TMEM120B: variants seen among roughly 807,000 people sequenced by gnomAD.
The protein encoded by TMEM120B is transmembrane protein 120B.
In TMEM120B, 31 loss-of-function variants were observed where a neutral mutation model predicts 55.5. The ratio of observed to expected loss-of-function variants is 0.56; its 90% CI spans 0.42 to 0.75. The LOEUF is 0.75. TMEM120B is among the 30% of genes least tolerant of loss of function. The pLI, the probability that TMEM120B is intolerant of heterozygous loss-of-function variation, is 0.00. For synonymous variants in TMEM120B, 203 were observed against 176.3 expected (o/e 1.15, Z -1.20); for missense variants, 399 against 425.5 (o/e 0.94, Z 0.55).
At chr12:121,734,550 G>A (rs943262727) in intron 1 of TMEM120B, among the ~76,000 whole-genome samples, 9 of 151,192 alleles carry the variant, frequency 6.0e-5, no homozygotes, top group Non-Finnish European at 8.8e-5. Context: ...GAGCCACCAC[G>A]CCTGGCCATG....
intron 1 of TMEM120B, among the ~76,000 whole-genome samples, chr12:121,720,275 A>G (rs935322461): frequency 1.3e-5 from 2 of 152,192 alleles, no homozygotes; most frequent in African/African-American, 2.4e-5. Context: ...ATTCTGACAC[A>G]TGACTCAGAA....
chr12:121,732,279 T>TCA (rs1895016441), intron 1 of TMEM120B, among the ~76,000 whole-genome samples: 1 of 152,206 alleles, frequency 6.6e-6, no homozygotes, highest in African/African-American at 2.4e-5. Flanking sequence ...GGAGAATGTG[T>TCA]CACACTAAGG....
chr12:121,775,058 C>T lies in TMEM120B; in HGVS notation c.838-4C>T. 6.2e-7 allele frequency: 1 copy of T among 1,613,326 alleles called. No homozygotes were observed. Among genetic ancestry groups the T allele is most frequent in the Non-Finnish European group, 8.5e-7 (1 of 1,179,918 alleles). ...GGGTGAGCAGCGCCTGCCTTCCTCT[C>T]CAGTTCTGGCAGCTCTACAATGCCG... On this transcript the variant is annotated splice_region_variant and splice_polypyrimidine_tract_variant and intron_variant, in intron 10 of 11. Coordinates refer to ENST00000449592, the MANE Select transcript of TMEM120B (RefSeq NM_001080825.2). The surrounding 1 kb of genome is among the most constrained non-coding windows in gnomAD (Gnocchi z 4.3).
At chr12:121,723,158 G>T (rs1434236325) in intron 1 of TMEM120B, among the ~76,000 whole-genome samples, 1 of 151,790 alleles carries the variant, frequency 6.6e-6, no homozygotes, top group Non-Finnish European at 1.5e-5. Context: ...TTGTTTGTTT[G>T]TTTGTTTGTT....
In TMEM120B at chr12:121,772,424, C is replaced by T. The variant is rs186795887; in HGVS notation, c.679+875C>T. ...GGATTACAGGCATGAGCCACCACGC[C>T]GTACCGTTTCTTTCTTTTTTTTTTT... On this transcript the variant is annotated intron_variant, in intron 8 of 11. Transcript: ENST00000449592. 1.6e-3 allele frequency among the ~76,000 whole-genome samples: 242 copies of T among 151,042 alleles called. 1 individual carries two copies. The East Asian group carries it at 0.03, about 19-fold the overall frequency.
rs781387759 is a variant in TMEM120B at position 121,779,670 on chromosome 12, G to C, written c.*3948G>C. 12 of 1,613,438 alleles carry C rather than the reference G, an allele frequency of 7.4e-6. No homozygotes were observed. The Admixed American group carries it at 1.8e-4, about 25-fold the overall frequency. The stretch of plus-strand genomic sequence containing the variant: ...TTCGCAGGCGCTCAGGCCCTGGGTG[G>C]GGGGAGGAGCCAGCATTAGGTGAGG... On this transcript the variant is annotated 3_prime_UTR_variant, in exon 12 of 12. Coordinates refer to ENST00000449592, the MANE Select transcript of TMEM120B (RefSeq NM_001080825.2).
intron 9 of TMEM120B, among the ~76,000 whole-genome samples, chr12:121,773,923 G>A (rs945853254): frequency 6.6e-6 from 1 of 151,552 alleles, no homozygotes; most frequent in African/African-American, 2.4e-5. Context: ...AATTTCAGGG[G>A]AAACTGTTTT....
At position 121,776,268 on chromosome 12, in the gene TMEM120B, G is replaced by C. The variant is rs374310169; in HGVS notation, c.*546G>C. 1.1e-5 allele frequency: 2 copies of C among 183,458 alleles called. No individual in the cohort carries two copies. Among genetic ancestry groups the C allele is most frequent in the South Asian group, 1.6e-4 (1 of 6,260 alleles). 11.4% of individuals were successfully genotyped at this position (183,458 alleles called of 1,614,324 possible). The stretch of plus-strand genomic sequence containing the variant: ...CTCAGAGACCCACCGCGTCTGCCTC[G>C]TGCTCTTCTTGCCCCTGGAGCGCTG... On this transcript the variant is annotated 3_prime_UTR_variant, in exon 12 of 12. Transcript: ENST00000449592.
chr12:121,720,409 T>C (rs1473813757), intron 1 of TMEM120B, among the ~76,000 whole-genome samples: 1 of 152,096 alleles, frequency 6.6e-6, no homozygotes, highest in Non-Finnish European at 1.5e-5. Context: ...TTCTTAGAGC[T>C]ATATAAAAGT....
At chr12:121,745,056 G>A (rs557631233) in intron 2 of TMEM120B, among the ~76,000 whole-genome samples, 5 of 152,280 alleles carry the variant, frequency 3.3e-5, no homozygotes, top group Admixed American at 1.3e-4. Context: ...GTGCACTGTG[G>A]GATAGTGAGT....
chr12:121,767,158 C>CT (rs1873875667), intron 6 of TMEM120B, among the ~76,000 whole-genome samples: 1 of 151,838 alleles, frequency 6.6e-6, no homozygotes, highest in African/African-American at 2.4e-5. Context: ...TGCAAGGTTT[C>CT]TTTTTTGTTT....
At chr12:121,714,755 T>A (rs1894666580) in intron 1 of TMEM120B, among the ~76,000 whole-genome samples, 1 of 150,616 alleles carries the variant, frequency 6.6e-6, no homozygotes, top group African/African-American at 2.4e-5. Flanking sequence ...AGAGACAGGG[T>A]TTCACCATGT....
intron 5 of TMEM120B, among the ~76,000 whole-genome samples, chr12:121,755,501 G>A (rs1156431812): frequency 6.6e-6 from 1 of 152,228 alleles, no homozygotes; most frequent in African/African-American, 2.4e-5. Context: ...CTAGGAAAGA[G>A]GTAGTCAGAG....
intron 8 of TMEM120B, among the ~76,000 whole-genome samples, chr12:121,772,253 C>G (rs1405906837): frequency 4.0e-5 from 6 of 151,398 alleles, no homozygotes; most frequent in African/African-American, 1.2e-4. Flanking sequence ...CTCAGCCTCC[C>G]GGGTGGCTGG....
intron 1 of TMEM120B, among the ~76,000 whole-genome samples, chr12:121,719,080 C>G (rs1363817666): frequency 6.6e-6 from 1 of 152,136 alleles, no homozygotes. Context: ...CAGCTTGGGT[C>G]ATGTGACTAT....
rs375863555 is a variant in TMEM120B, at chr12:121,781,606, C to T, written c.*5884C>T. On this transcript the variant is annotated 3_prime_UTR_variant, in exon 12 of 12. Transcript: ENST00000449592. Reference sequence around the variant, plus strand: ...CTGGAGAAACTGCTAGAGATGATGCCGATAGCCAGTGTGATCCCCCTGCCC... The same window carrying T: ...CTGGAGAAACTGCTAGAGATGATGCTGATAGCCAGTGTGATCCCCCTGCCC... 3.4e-5 allele frequency: 7 copies of T among 205,344 alleles called. No homozygotes were observed. The highest frequency in any genetic ancestry group is 7.1e-5 in the Non-Finnish European group (7 of 99,068). The allele number at this position is 205,344 out of a possible 1,614,324, so 12.7% of individuals were successfully genotyped here.
At chr12:121,726,497 T>C (rs1229073495) in intron 1 of TMEM120B, among the ~76,000 whole-genome samples, 1 of 150,422 alleles carries the variant, frequency 6.6e-6, no homozygotes, top group Non-Finnish European at 1.5e-5. Context: ...GAGAAAGGCA[T>C]GAACCTGGGA....
intron 5 of TMEM120B, 152 bp from the exon 6 acceptor site, chr12:121,761,497 C>T (rs1232718377): frequency 3.4e-6 from 2 of 584,642 alleles, no homozygotes; most frequent in Non-Finnish European, 6.2e-6. Flanking sequence ...AGACCAAGCT[C>T]CCCCTGCCTC....
intron 1 of TMEM120B, among the ~76,000 whole-genome samples, chr12:121,719,405 T>C (rs192034935): frequency 5.9e-5 from 9 of 152,096 alleles, no homozygotes; most frequent in Admixed American, 2.0e-4. Context: ...GGCAATGTAG[T>C]AAGACCCTGA....
Sources: allele counts gnomAD v4.1 joint callset (sites outside exome capture counted in the v4.1 genomes callset), GRCh38; gene constraint gnomAD v4.1.1; non-coding constraint Gnocchi (gnomAD v3.1); transcripts MANE v1.5; gene names NCBI Gene and HGNC (gene_info 2026-07-23, HGNC 2026-07-21).